Variants in ARHGAP19 observed in about 807,000 individuals in gnomAD.
ARHGAP19 encodes the protein Rho GTPase activating protein 19, also known as rho GTPase-activating protein 19.
Under a neutral mutation model 60.9 loss-of-function variants are expected in ARHGAP19, and 48 were observed. The observed-to-expected ratio is 0.79, with a 90% CI of 0.62 to 1.00. ARHGAP19 has a LOEUF of 1.00. Ranked by LOEUF, ARHGAP19 falls within the 50% of genes least tolerant of loss-of-function variation. ARHGAP19 has a pLI of 0.00. For synonymous variants in ARHGAP19, 209 were observed against 215.5 expected (o/e 0.97, Z 0.27); for missense variants, 562 against 597.2 (o/e 0.94, Z 0.61).
intron 2 of ARHGAP19, 148 bp downstream of exon 2, chr10:97,265,712 A>T: frequency 1.2e-6 from 1 of 830,348 alleles, no homozygotes; most frequent in Non-Finnish European, 1.9e-6. Context: ...TATTACTATT[A>T]CTTAAGGTGT....
At position 97,262,458 on chromosome 10, in the gene ARHGAP19, A is replaced by T. The variant is rs1008344901; in HGVS notation, c.613+962T>A. On this transcript the variant is annotated intron_variant, in intron 4 of 11. Transcript: ENST00000358531. Reference sequence around the variant, plus strand: ...AAGGTAGGCCGATCACAAGATCAGAAGTTCGAGACCAGCCTGGCCAACATG... The same window carrying T: ...AAGGTAGGCCGATCACAAGATCAGATGTTCGAGACCAGCCTGGCCAACATG... Among the ~76,000 whole-genome samples the T allele has an allele frequency of 9.9e-5, 15 of 151,984 alleles. No homozygotes were observed. The South Asian group carries it at 1.9e-3, about 19-fold the overall frequency.
chr10:97,263,346 A>C, intron 4 of ARHGAP19, 74 bp downstream of exon 4: 2 of 1,447,910 alleles, frequency 1.4e-6, no homozygotes, highest in Non-Finnish European at 1.9e-6. Context: ...GGTCACAAGC[A>C]ACAGAAATTT....
intron 4 of ARHGAP19, among the ~76,000 whole-genome samples, chr10:97,262,990 A>G (rs769154310): frequency 2.7e-5 from 4 of 150,726 alleles, no homozygotes; most frequent in Admixed American, 6.6e-5. Flanking sequence ...CCGCACACCT[A>G]TAGTCCCAGC....
chr10:97,233,961 A>C (rs1054364071), intron 9 of ARHGAP19, among the ~76,000 whole-genome samples: 1 of 151,278 alleles, frequency 6.6e-6, no homozygotes, highest in Non-Finnish European at 1.5e-5. Flanking sequence ...AGTGGGGGGA[A>C]GGAGAGTATT....
At chr10:97,245,595 C>CAAAAAAAA (rs397845381) in intron 7 of ARHGAP19, among the ~76,000 whole-genome samples, 6 of 112,378 alleles carry the variant, frequency 5.3e-5, no homozygotes, top group African/African-American at 1.8e-4. Context: ...AACCCTATCT[C>CAAAAAAAA]AAAAAAAAAA....
chr10:97,285,080 G>C (rs1352319280), intron 1 of ARHGAP19, among the ~76,000 whole-genome samples: 1 of 151,718 alleles, frequency 6.6e-6, no homozygotes, highest in South Asian at 2.1e-4. Context: ...GGCCAGGCTG[G>C]TCTTAAACTC....
intron 5 of ARHGAP19, 76 bp from the exon 6 acceptor site, chr10:97,256,480 C>G (rs1361050253): frequency 9.4e-7 from 1 of 1,065,090 alleles, no homozygotes; most frequent in African/African-American, 1.6e-5. Context: ...CCTGTTCTTT[C>G]AAATGTATGA....
At chr10:97,257,075 C>T (rs895795730) in intron 5 of ARHGAP19, among the ~76,000 whole-genome samples, 4 of 151,900 alleles carry the variant, frequency 2.6e-5, no homozygotes, top group African/African-American at 9.7e-5. Flanking sequence ...GAGCCGAGAC[C>T]GCACCACTGC....
At chr10:97,292,071 T>C (rs553227642) in intron 1 of ARHGAP19, among the ~76,000 whole-genome samples, 23 of 152,244 alleles carry the variant, frequency 1.5e-4, no homozygotes, top group East Asian at 3.9e-4. Flanking sequence ...CACTTGGAAA[T>C]AGGCATCCTC....
intron 1 of ARHGAP19, among the ~76,000 whole-genome samples, chr10:97,268,808 G>A (rs1179225920): frequency 2.6e-5 from 4 of 152,118 alleles, no homozygotes; most frequent in Non-Finnish European, 5.9e-5. Flanking sequence ...TTTGTGTGGG[G>A]ACATAGCCAA....
intron 7 of ARHGAP19, among the ~76,000 whole-genome samples, chr10:97,245,030 G>C (rs1330906489): frequency 6.6e-6 from 1 of 151,654 alleles, no homozygotes; most frequent in Non-Finnish European, 1.5e-5. Flanking sequence ...TTTTGAGATG[G>C]GGTCTCACTC....
In ARHGAP19 at chr10:97,263,386, G is replaced by T. The variant is rs371600185; in HGVS notation, c.613+34C>A. The stretch of plus-strand genomic sequence containing the variant: ...GGAACTTTACTAAATTGAAAGAAAT[G>T]TATTTACATCTCCTTCTTACTTCCT... On this transcript the variant is annotated intron_variant, in intron 4 of 11. Transcript: ENST00000358531. 5.7e-6 allele frequency: 9 copies of T among 1,589,168 alleles called. No individual in the cohort carries two copies. In the African/African-American group the frequency reaches 1.2e-4, roughly 21 times the overall value.
chr10:97,243,127 G>A (rs1842514128), intron 8 of ARHGAP19, among the ~76,000 whole-genome samples: 1 of 152,104 alleles, frequency 6.6e-6, no homozygotes, highest in African/African-American at 2.4e-5. Flanking sequence ...CAAAGAGATG[G>A]CAGAAACTTC....
At chr10:97,260,934 TAAAAAAAA>T (rs757386929) in intron 4 of ARHGAP19, among the ~76,000 whole-genome samples, 1 of 107,604 alleles carries the variant, frequency 9.3e-6, no homozygotes, top group African/African-American at 3.4e-5. Context: ...TCTCTATATT[TAAAAAAAA>T]AAAAAAAAAA....
At chr10:97,290,674 G>A (rs576369851) in intron 1 of ARHGAP19, among the ~76,000 whole-genome samples, 2 of 152,210 alleles carry the variant, frequency 1.3e-5, no homozygotes, top group African/African-American at 4.8e-5. Flanking sequence ...CATCCAAAGC[G>A]TTTGTCTCTT....
rs1842894235 is a variant in ARHGAP19 at position 97,266,008 on chromosome 10, A to T, written c.174T>A (p.Thr58=). 1 of 1,614,096 alleles carries T rather than the reference A, an allele frequency of 6.2e-7. No individual in the cohort carries two copies. The change falls in exon 2 of 12, where the codon ACT becomes ACA. Residue 58 remains threonine, a synonymous_variant. Transcript: ENST00000358531. ...KLRHEKPEIF[T]ELVVSNITRL... is the part of the protein sequence containing the mutation. ...TTGTGATATTGCTGACCACCAACTC[A>T]GTGAAAATCTCAGGTTTCTCATGTC...
At chr10:97,256,541 A>G in intron 5 of ARHGAP19, 137 bp from the exon 6 acceptor site, 1 of 630,194 alleles carries the variant, frequency 1.6e-6, no homozygotes, top group Non-Finnish European at 2.8e-6. Context: ...AATTCTGGGA[A>G]GACTTTTTGG....
intron 4 of ARHGAP19, among the ~76,000 whole-genome samples, chr10:97,261,107 A>C (rs1043501015): frequency 1.3e-5 from 2 of 152,188 alleles, no homozygotes; most frequent in Admixed American, 6.5e-5. Flanking sequence ...TAGGGTCAGA[A>C]TTATTGGTTC....
Position 97,292,003 on chromosome 10 carries a change from T to C in ARHGAP19, c.56+569A>G, listed in dbSNP as rs374837306. 3.1e-4 allele frequency among the ~76,000 whole-genome samples: 47 copies of C among 152,300 alleles called. No homozygotes were observed. The East Asian group carries it at 7.7e-3, about 25-fold the overall frequency. On this transcript the variant is annotated intron_variant, in intron 1 of 11. Transcript: ENST00000358531. ...AAGAAGAAAATCTATTGCGTAGAGT[T>C]GTCATTATCGGCTAAACTCAGTGCT...
Sources: allele counts gnomAD v4.1 joint callset (sites outside exome capture counted in the v4.1 genomes callset), GRCh38; gene constraint gnomAD v4.1.1; transcripts MANE v1.5; gene names NCBI Gene and HGNC (gene_info 2026-07-23, HGNC 2026-07-21).